Variants in RNF19A observed in about 807,000 individuals in gnomAD.
RNF19A encodes E3 ubiquitin-protein ligase RNF19A.
A neutral mutation model predicts 75.7 loss-of-function variants in RNF19A; 32 were observed. The observed-to-expected ratio is 0.42, with a 90% confidence interval of 0.32 to 0.57. The LOEUF (loss-of-function observed/expected upper bound fraction) is 0.57, where lower values mean the gene tolerates loss of function less well. RNF19A is among the 20% of genes least tolerant of loss of function. The pLI, the probability that RNF19A is intolerant of heterozygous loss-of-function variation, is 0.10. For synonymous variants in RNF19A, 335 were observed against 345.2 expected (o/e 0.97, Z 0.33); for missense variants, 782 against 1,036.3 (o/e 0.75, Z 3.37).
intron 1 of RNF19A, among the ~76,000 whole-genome samples, chr8:100,328,205 G>A (rs959548943): frequency 6.6e-6 from 1 of 152,114 alleles, no homozygotes; most frequent in African/African-American, 2.4e-5. Flanking sequence ...TGTCCCAGTT[G>A]CCCATTCTCC....
chr8:100,266,788 C>T (rs1347417575), intron 5 of RNF19A, among the ~76,000 whole-genome samples: 2 of 152,194 alleles, frequency 1.3e-5, no homozygotes, highest in Non-Finnish European at 2.9e-5. Context: ...GTTAGGATTA[C>T]AGGCATGAGC....
rs1043854456 is a variant in RNF19A, at chr8:100,257,731, T to C, written c.*825A>G. ...GCAAAATCCTCAAATAACTAGGCCA[T>C]TAAAACCCAGTCGATCCCAAAGGCA... On this transcript the variant is annotated 3_prime_UTR_variant, in exon 10 of 10. Transcript: ENST00000341084. The C allele has an allele frequency of 3.1e-6, 1 of 319,280 alleles. No individual in the cohort carries two copies. The highest frequency in any genetic ancestry group is 5.7e-6 in the Non-Finnish European group (1 of 176,698). 19.8% of individuals were successfully genotyped at this position (319,280 alleles called of 1,614,324 possible). A position where few individuals can be genotyped will look rare whatever the true frequency, so the allele number is the denominator to read the frequency against.
rs1819706795 is a variant in RNF19A, at chr8:100,261,399, CA to C, written c.1682+142del. The C allele has an allele frequency of 1.3e-6, 1 of 776,570 alleles. No individual in the cohort carries two copies. Among genetic ancestry groups the C allele is most frequent in the Admixed American group, 2.5e-5 (1 of 39,410 alleles). The allele number at this position is 776,570 out of a possible 1,614,324, so 48.1% of individuals were successfully genotyped here. On this transcript the variant is annotated intron_variant, in intron 8 of 9. Coordinates refer to ENST00000341084, the MANE Select transcript of RNF19A (RefSeq NM_183419.4). This position sits in a 1 kb window ranked among gnomAD's most constrained non-coding sequence, Gnocchi z 4.4. ...AGGCGTGAGCCACTGCACCTGGCCC[CA>C]AATTTCATTTTTAACATTACTATTT... is the stretch of plus-strand genomic sequence containing the variant.
rs1822638493 is a variant in RNF19A at position 100,333,670 on chromosome 8, A to G, written c.-243+2438T>C. 1.3e-5 allele frequency among the ~76,000 whole-genome samples: 2 copies of G among 152,202 alleles called. No individual in the cohort carries two copies. Among genetic ancestry groups the G allele is most frequent in the African/African-American group, 4.8e-5 (2 of 41,444 alleles). On this transcript the variant is annotated intron_variant, in intron 1 of 3. Coordinates refer to the RNF19A transcript ENST00000519527. The surrounding 1 kb of genome is among the most constrained non-coding windows in gnomAD (Gnocchi z 4.7). ...CATCTCTAAAAATTTTTTTAAAACA[A>G]TAGCTGGGCATGGTGGTGTCTCCTG... is the stretch of plus-strand genomic sequence containing the variant.
Position 100,260,020 on chromosome 8 carries a change from C to A in RNF19A, c.1683-23G>T. ...AACCTTAAAGGGGGGTATGAAATCA[C>A]CAAAATTATATTTAATATCAGCACT... is the stretch of plus-strand genomic sequence containing the variant. On this transcript the variant is annotated intron_variant, in intron 8 of 9. Transcript: ENST00000341084. The surrounding 1 kb of genome is among the most constrained non-coding windows in gnomAD (Gnocchi z 4.1). The A allele has an allele frequency of 6.2e-7, 1 of 1,603,626 alleles. No individual in the cohort carries two copies. Among genetic ancestry groups the A allele is most frequent in the African/African-American group, 1.3e-5 (1 of 74,684 alleles).
chr8:100,272,338 T>C (rs1053586266), intron 3 of RNF19A, among the ~76,000 whole-genome samples: 4 of 152,090 alleles, frequency 2.6e-5, no homozygotes, highest in African/African-American at 9.7e-5. Flanking sequence ...GTACTTTATG[T>C]AACTAAGCAC....
chr8:100,286,908 ATTATT>A (rs1386688959), intron 2 of RNF19A, among the ~76,000 whole-genome samples: 1 of 152,168 alleles, frequency 6.6e-6, no homozygotes, highest in African/African-American at 2.4e-5. Context: ...TATAAGCAAA[ATTATT>A]TTATTTTAAA....
intron 2 of RNF19A, among the ~76,000 whole-genome samples, chr8:100,286,869 G>A (rs1821046319): frequency 6.6e-6 from 1 of 152,020 alleles, no homozygotes; most frequent in Non-Finnish European, 1.5e-5. Flanking sequence ...CTATAAACAG[G>A]AGCTGCTCAC....
rs1820908036 is a variant in RNF19A at position 100,284,115 on chromosome 8, T to G, written c.674+3386A>C. Among the ~76,000 whole-genome samples the G allele has an allele frequency of 6.6e-6, 1 of 151,764 alleles. No individual in the cohort carries two copies. Among genetic ancestry groups the G allele is most frequent in the African/African-American group, 2.4e-5 (1 of 41,352 alleles). On this transcript the variant is annotated intron_variant, in intron 2 of 9. Coordinates refer to ENST00000341084, the MANE Select transcript of RNF19A (RefSeq NM_183419.4). This position sits in a 1 kb window ranked among gnomAD's most constrained non-coding sequence, Gnocchi z 4.3. ...AAAAGCAAAACTTTGGAAATACAGA[T>G]GAAGAATAATAAGTAAGAGCAATGA...
chr8:100,307,677 T>C (rs935507361), intron 1 of RNF19A, among the ~76,000 whole-genome samples: 2 of 152,088 alleles, frequency 1.3e-5, no homozygotes, highest in African/African-American at 2.4e-5. Context: ...CCATAACAAA[T>C]AGTATCCTTC....
chr8:100,288,961 G>A (rs1169367223), intron 1 of RNF19A, among the ~76,000 whole-genome samples: 1 of 151,348 alleles, frequency 6.6e-6, no homozygotes, highest in Non-Finnish European at 1.5e-5. Flanking sequence ...TCGGGAGGCT[G>A]AGGCAGGAGA....
Position 100,306,763 on chromosome 8 carries a change from C to T in RNF19A, c.-94+3104G>A, listed in dbSNP as rs186977372. 7.1e-4 allele frequency among the ~76,000 whole-genome samples: 108 copies of T among 152,180 alleles called. 1 individual carries two copies. Among genetic ancestry groups the T allele is most frequent in the Non-Finnish European group, 2.1e-4 (14 of 68,002 alleles). ...CCCTTAGTCTTTAGCTGTGCAGGTA[C>T]GGTTAAGTAAATGAGTTGTTTCAAT... On this transcript the variant is annotated intron_variant, in intron 1 of 9. Transcript: ENST00000341084.
chr8:100,308,237 G>A (rs1424403698), intron 1 of RNF19A, among the ~76,000 whole-genome samples: 1 of 151,834 alleles, frequency 6.6e-6, no homozygotes, highest in African/African-American at 2.4e-5. Context: ...TATTTTCCAT[G>A]GACACGTAAA....
chr8:100,257,843 T>C lies in RNF19A; in HGVS notation c.*713A>G. 4 of 393,620 alleles carry C rather than the reference T, an allele frequency of 1.0e-5. No individual in the cohort carries two copies. The highest frequency in any genetic ancestry group is 1.3e-5 in the Non-Finnish European group (3 of 223,134). 24.4% of individuals were successfully genotyped at this position (393,620 alleles called of 1,614,324 possible). ...AACCTAATGGGACTTTATTTTGTAG[T>C]TTTATGTATCTTATTTGTTGCTGTC... On this transcript the variant is annotated 3_prime_UTR_variant, in exon 10 of 10. Coordinates refer to ENST00000341084, the MANE Select transcript of RNF19A (RefSeq NM_183419.4).
chr8:100,298,451 A>G (rs1050626015), intron 1 of RNF19A, among the ~76,000 whole-genome samples: 1 of 152,214 alleles, frequency 6.6e-6, no homozygotes, highest in African/African-American at 2.4e-5. Flanking sequence ...ATAATTCAAC[A>G]TATCATTAGT....
intron 1 of RNF19A, among the ~76,000 whole-genome samples, chr8:100,327,396 C>A (rs187616033): frequency 2.8e-4 from 42 of 151,820 alleles, no homozygotes; most frequent in African/African-American, 9.9e-4. Flanking sequence ...GAATTACAGG[C>A]GTGTGCCACC....
chr8:100,279,869 T>C (rs1034748958), intron 2 of RNF19A, among the ~76,000 whole-genome samples: 6 of 152,100 alleles, frequency 3.9e-5, no homozygotes, highest in South Asian at 4.1e-4. Flanking sequence ...TTTGCCATGT[T>C]AGTCAGGCTG....
intron 2 of RNF19A, among the ~76,000 whole-genome samples, chr8:100,276,723 CAAAAAAAAAAA>C (rs60419107): frequency 3.7e-5 from 3 of 80,596 alleles, no homozygotes; most frequent in South Asian, 3.8e-4. Context: ...ACCACTGTAC[CAAAAAAAAAAA>C]AAAAAAAAAG....
At position 100,325,289 on chromosome 8, in the gene RNF19A, G is replaced by A. The variant is rs575410078; in HGVS notation, c.-243+10819C>T. On this transcript the variant is annotated intron_variant, in intron 1 of 3. Coordinates refer to the RNF19A transcript ENST00000519527. This position sits in a 1 kb window ranked among gnomAD's most constrained non-coding sequence, Gnocchi z 4.3. ...AGGCAGAGAACTTAAGAGCCTGAAG[G>A]GTTTTTGCAGAGAGTTTGGTTTCTG... is the stretch of plus-strand genomic sequence containing the variant. 5.3e-5 allele frequency among the ~76,000 whole-genome samples: 8 copies of A among 152,224 alleles called. No individual in the cohort carries two copies. The South Asian group carries it at 1.5e-3, about 28-fold the overall frequency.
Sources: allele counts gnomAD v4.1 joint callset (sites outside exome capture counted in the v4.1 genomes callset), GRCh38; gene constraint gnomAD v4.1.1; non-coding constraint Gnocchi (gnomAD v3.1); transcripts MANE v1.5; gene names NCBI Gene and HGNC (gene_info 2026-07-23, HGNC 2026-07-21).